The following BANF1 variants were observed in gnomAD, a reference collection of about 807,000 sequenced individuals.
The protein encoded by BANF1 is barrier-to-autointegration factor.
For missense variants in BANF1, 47 were observed against 110.4 expected (o/e 0.43, Z 2.57); for synonymous variants, 49 against 43.7 (o/e 1.12, Z -0.48).
chr11:66,002,708 G>C (rs1856025685), intron 1 of BANF1, 138 bp downstream of exon 1: 1 of 150,944 alleles, frequency 6.6e-6, no homozygotes, highest in South Asian at 2.1e-4. Flanking sequence ...GCGGGGTGCA[G>C]CGCGTGGGAG....
In BANF1 at chr11:66,003,771, G is replaced by A. The variant is rs1389321447; in HGVS notation, c.269G>A (p.Ter90=). The A allele has an allele frequency of 6.2e-7, 1 of 1,614,016 alleles. No individual in the cohort carries two copies. The highest frequency in any genetic ancestry group is 2.2e-5 in the East Asian group (1 of 44,862). Residue 90 remains the stop codon, a stop_retained_variant, in exon 3 of 3, where the codon TGA becomes TAA. Transcript: ENST00000312175. ...CGAGAGTGGTGCGACGCCTTCTTGT[G>A]ATGCTCTCTGGGAAGCTCTCAATCC... ...CLREWCDAFL[*]
rs758566747 is a variant in BANF1, at chr11:66,003,244, G to A, written c.-7G>A. 3 of 1,613,034 alleles carry A rather than the reference G, an allele frequency of 1.9e-6. No individual in the cohort carries two copies. Among genetic ancestry groups the A allele is most frequent in the East Asian group, 2.2e-5 (1 of 44,858 alleles). On this transcript the variant is annotated 5_prime_UTR_variant, in exon 2 of 3. Transcript: ENST00000312175. Reference sequence around the variant, plus strand: ...TTTTTGGGATTCCTAGATTAAGCCTGATCAAGATGACAACCTCCCAAAAGC... The same window carrying A: ...TTTTTGGGATTCCTAGATTAAGCCTAATCAAGATGACAACCTCCCAAAAGC...
rs1856061933 is a variant in BANF1, at chr11:66,003,548, G to A, written c.124-78G>A. Reference sequence around the variant, plus strand: ...CTTCCTGGGCTTGTGTGCTCTGAATGGCACAGGAATGGCTGTCTTGCTCTT... The same window carrying A: ...CTTCCTGGGCTTGTGTGCTCTGAATAGCACAGGAATGGCTGTCTTGCTCTT... On this transcript the variant is annotated intron_variant, in intron 2 of 2. Coordinates refer to ENST00000312175, the MANE Select transcript of BANF1 (RefSeq NM_003860.4). 5 of 1,611,392 alleles carry A rather than the reference G, an allele frequency of 3.1e-6. No homozygotes were observed. In the Admixed American group the frequency reaches 8.4e-5, roughly 27 times the overall value.
rs147505251 is a variant in BANF1, at chr11:66,003,198, C to T, written c.-16-37C>T. ...TCGTGGGCCCTTAGAAGTTCCAGGT[C>T]TTCAGCCCTAATCTGCCTTTTTTTT... On this transcript the variant is annotated intron_variant, in intron 1 of 2. Transcript: ENST00000312175. 18 of 1,609,920 alleles carry T rather than the reference C, an allele frequency of 1.1e-5. No individual in the cohort carries two copies. In the African/African-American group the frequency reaches 2.1e-4, roughly 19 times the overall value.
At chr11:66,002,693 A>T in intron 1 of BANF1, 123 bp downstream of exon 1, 1 of 18,976 alleles carries the variant, frequency 5.3e-5, no homozygotes, top group Middle Eastern at 0.015. Flanking sequence ...CGCTGCGGGG[A>T]GGGGGCGGGG....
Position 66,003,281 on chromosome 11 carries a change from G to C in BANF1, c.31G>C (p.Val11Leu). ...AACCTCCCAAAAGCACCGAGACTTC[G>C]TGGCAGAGCCCATGGGGGAGAAGCC... Reference protein sequence around the residue: MTTSQKHRDFVAEPMGEKPVG... With the variant: MTTSQKHRDFLAEPMGEKPVG... Residue 11 changes from valine (V) to leucine (L), a missense_variant, in exon 2 of 3, where the codon GTG (valine) becomes CTG (leucine). By Grantham distance (32) the Val-to-Leu change is conservative. Coordinates refer to ENST00000312175, the MANE Select transcript of BANF1 (RefSeq NM_003860.4). 6.2e-7 allele frequency: 1 copy of C among 1,613,670 alleles called. No homozygotes were observed. The highest frequency in any genetic ancestry group is 1.1e-5 in the South Asian group (1 of 91,046).
chr11:66,003,726 G>A lies in BANF1; in HGVS notation c.224G>A (p.Arg75Gln), dbSNP rs748590381. The A allele has an allele frequency of 2.5e-6, 4 of 1,613,930 alleles. No individual in the cohort carries two copies. Among genetic ancestry groups the A allele is most frequent in the African/African-American group, 1.3e-5 (1 of 74,870 alleles). Residue 75 changes from arginine to glutamine, a missense_variant, in exon 3 of 3, where the codon CGG becomes CAG. By Grantham distance (43) the Arg-to-Gln change is conservative. Coordinates refer to ENST00000312175, the MANE Select transcript of BANF1 (RefSeq NM_003860.4). ...DTCGANAKQS[R>Q]DCFGCLREWC... Reference sequence around the variant, plus strand: ...TGTGGCGCCAACGCCAAGCAGTCCCGGGACTGCTTCGGATGCCTTCGAGAG... The same window carrying A: ...TGTGGCGCCAACGCCAAGCAGTCCCAGGACTGCTTCGGATGCCTTCGAGAG...
At position 66,003,945 on chromosome 11, in the gene BANF1, T is replaced by G; in HGVS notation, c.*173T>G. On this transcript the variant is annotated 3_prime_UTR_variant, in exon 3 of 3. Coordinates refer to ENST00000312175, the MANE Select transcript of BANF1 (RefSeq NM_003860.4). ...TAACCATTTCAACTTTTTTTTGGATTCTCGCTCTTGCATGCCTCCCCCGTC... is the reference window on the plus strand; with the variant it reads ...TAACCATTTCAACTTTTTTTTGGATGCTCGCTCTTGCATGCCTCCCCCGTC... 1.1e-6 allele frequency: 1 copy of G among 870,354 alleles called. No homozygotes were observed. Among genetic ancestry groups the G allele is most frequent in the East Asian group, 2.8e-5 (1 of 36,010 alleles). The allele number at this position is 870,354 out of a possible 1,614,324, so 53.9% of individuals were successfully genotyped here. A position where few individuals can be genotyped will look rare whatever the true frequency, so the allele number is the denominator to read the frequency against.
chr11:66,003,665 G>A lies in BANF1; in HGVS notation c.163G>A (p.Asp55Asn), dbSNP rs765062850. ...TGGCCAGTTTCTGGTGCTAAAGAAA[G>A]ATGAAGACCTCTTCCGGGAATGGCT... ...VLGQFLVLKK[D>N]EDLFREWLKD... The change falls in exon 3 of 3, where the codon GAT becomes AAT. Residue 55 changes from aspartate (D) to asparagine (N), a missense_variant. By Grantham distance (23) the Asp-to-Asn change is conservative. Transcript: ENST00000312175. 7 of 1,614,146 alleles carry A rather than the reference G, an allele frequency of 4.3e-6. No homozygotes were observed. The highest frequency in any genetic ancestry group is 5.9e-6 in the Non-Finnish European group (7 of 1,180,032).
At position 66,003,491 on chromosome 11, in the gene BANF1, G is replaced by A. The variant is rs953209070; in HGVS notation, c.123+118G>A. ...GAGGCTGCCAGAGCCTGGGCACCTGGTGGAGAGGAGAGGGGGGCAAAACCC... is the reference window on the plus strand; with the variant it reads ...GAGGCTGCCAGAGCCTGGGCACCTGATGGAGAGGAGAGGGGGGCAAAACCC... On this transcript the variant is annotated intron_variant, in intron 2 of 2. Transcript: ENST00000312175. The A allele has an allele frequency of 3.6e-5, 58 of 1,608,464 alleles. No individual in the cohort carries two copies. The South Asian group carries it at 6.1e-4, about 17-fold the overall frequency.
chr11:66,003,435 C>T, intron 2 of BANF1, 62 bp downstream of exon 2: 1 of 1,612,392 alleles, frequency 6.2e-7, no homozygotes. Flanking sequence ...ATTCCATCTG[C>T]TGGGGGATGG....
rs1856079285 is a variant in BANF1, at chr11:66,004,062, C to T, written c.*290C>T. On this transcript the variant is annotated 3_prime_UTR_variant, in exon 3 of 3. Coordinates refer to ENST00000312175, the MANE Select transcript of BANF1 (RefSeq NM_003860.4). ...CTCACCCCCACCCTCACTTTCAATC[C>T]GTTTGATACCATTTGGCTCCTTTTT... is the stretch of plus-strand genomic sequence containing the variant. 2 of 438,456 alleles carry T rather than the reference C, an allele frequency of 4.6e-6. No homozygotes were observed. The highest frequency in any genetic ancestry group is 2.1e-5 in the South Asian group (1 of 47,408). 27.2% of individuals were successfully genotyped at this position (438,456 alleles called of 1,614,324 possible).
intron 1 of BANF1, chr11:66,003,008 C>G (rs1856040736): frequency 3.8e-6 from 2 of 526,762 alleles, no homozygotes; most frequent in Admixed American, 6.2e-5. Flanking sequence ...TAGGCAGGAT[C>G]GTTTTTCCTC....
chr11:66,003,136 T>TA (rs1055446800), intron 1 of BANF1, 99 bp from the exon 2 acceptor site: 1 of 1,317,036 alleles, frequency 7.6e-7, no homozygotes, highest in African/African-American at 1.5e-5. Context: ...CAAGCCACTG[T>TA]AACCCCTGGC....
At chr11:66,002,692 G>C (rs1856024761) in intron 1 of BANF1, 122 bp downstream of exon 1, 1 of 151,404 alleles carries the variant, frequency 6.6e-6, no homozygotes, top group Non-Finnish European at 1.5e-5. Flanking sequence ...GCGCTGCGGG[G>C]AGGGGGCGGG....
intron 2 of BANF1, 122 bp from the exon 3 acceptor site, chr11:66,003,502 AGG>A (rs1182633127): frequency 6.2e-7 from 1 of 1,608,244 alleles, no homozygotes; most frequent in Non-Finnish European, 8.5e-7. Context: ...TGGAGAGGAG[AGG>A]GGGGCAAAAC....
intron 2 of BANF1, 77 bp downstream of exon 2, chr11:66,003,450 T>A (rs1321626119): frequency 6.2e-7 from 1 of 1,610,372 alleles, no homozygotes. Context: ...GGATGGACAG[T>A]AAGGTATAAT....
Position 66,003,108 on chromosome 11 carries a change from A to G in BANF1, c.-16-127A>G, listed in dbSNP as rs2134970655. The G allele has an allele frequency of 4.1e-6, 4 of 964,240 alleles. No individual in the cohort carries two copies. The South Asian group carries it at 4.2e-5, about 10-fold the overall frequency. The allele number at this position is 964,240 out of a possible 1,614,324, so 59.7% of individuals were successfully genotyped here. On this transcript the variant is annotated intron_variant, in intron 1 of 2. Coordinates refer to ENST00000312175, the MANE Select transcript of BANF1 (RefSeq NM_003860.4). ...CTCCCTGGAACTGTTTTCTCCTTTC[A>G]GGATGAGGGGGATCGAGCAAGCCAC...
chr11:66,002,969 C>G (rs1342809459), intron 1 of BANF1: 4 of 453,794 alleles, frequency 8.8e-6, no homozygotes, highest in Non-Finnish European at 1.6e-5. Context: ...CTCTGGGCAT[C>G]TTTCCACTGC....
Sources: gnomAD v4.1 joint callset for allele counts on GRCh38, gnomAD v4.1.1 for gene constraint, MANE v1.5 for transcripts, NCBI Gene and HGNC (gene_info 2026-07-23, HGNC 2026-07-21) for gene names.